SUGP2: variants seen among roughly 807,000 people sequenced by gnomAD.
SUGP2 encodes SURP and G-patch domain containing 2, also known as SURP and G-patch domain-containing protein 2.
Under a neutral mutation model 90.5 loss-of-function variants are expected in SUGP2, and 24 were observed. That is an observed-to-expected ratio of 0.27 (90% confidence interval 0.19 to 0.37). The LOEUF (loss-of-function observed/expected upper bound fraction) is 0.37, where lower values mean the gene tolerates loss of function less well. Ranked by LOEUF, SUGP2 falls within the 10% of genes least tolerant of loss-of-function variation. SUGP2 has a pLI of 1.00. For synonymous variants in SUGP2, 473 were observed against 513.4 expected, an observed-to-expected ratio of 0.92 and a Z score of 1.06; for missense variants, 1,233 against 1,363.3, an observed-to-expected ratio of 0.90 and a Z score of 1.51.
intron 10 of SUGP2, 111 bp downstream of exon 10, chr19:18,994,251 TTGTG>T (rs2057480244): frequency 1.4e-6 from 2 of 1,396,890 alleles, no homozygotes; most frequent in Non-Finnish European, 2.0e-6. Flanking sequence ...GTGATTTTTT[TTGTG>T]TGTGGCATTT....
chr19:19,000,989 G>C (rs2057807479), intron 8 of SUGP2, among the ~76,000 whole-genome samples: 1 of 151,260 alleles, frequency 6.6e-6, no homozygotes, highest in Non-Finnish European at 1.5e-5. Context: ...ACAAGTGTAA[G>C]ACACCCAATC....
At position 19,005,873 on chromosome 19, in the gene SUGP2, AC is replaced by A. The variant is rs2058050095; in HGVS notation, c.2451-1228del. 3.3e-4 allele frequency among the ~76,000 whole-genome samples: 10 copies of A among 30,210 alleles called. No homozygotes were observed. In the Admixed American group the frequency reaches 3.4e-3, roughly 10 times the overall value. The allele number at this position is 30,210 out of a possible 152,430, so 19.8% of individuals were successfully genotyped here. A position where few individuals can be genotyped will look rare whatever the true frequency, so the allele number is the denominator to read the frequency against. On this transcript the variant is annotated intron_variant, in intron 6 of 10. Transcript: ENST00000452918. ...CACACACACACACACACACACACACACACACACACACACACACACCACACAC... is the reference window on the plus strand; with the variant it reads ...CACACACACACACACACACACACACAACACACACACACACACACCACACAC...
At chr19:18,994,275 C>T (rs900191854) in intron 10 of SUGP2, 91 bp downstream of exon 10, 1 of 1,523,170 alleles carries the variant, frequency 6.6e-7, no homozygotes, top group Middle Eastern at 1.7e-4. Context: ...TTTGGGGGAG[C>T]AGGGAACATC....
At chr19:19,005,663 C>T (rs1167940497) in intron 6 of SUGP2, among the ~76,000 whole-genome samples, 3 of 151,990 alleles carry the variant, frequency 2.0e-5, no homozygotes, top group Admixed American at 6.6e-5. Flanking sequence ...AAAAGCTGGA[C>T]GGCTTTATAA....
At chr19:19,029,661 T>A (rs1410252990) in intron 2 of SUGP2, among the ~76,000 whole-genome samples, 1 of 149,396 alleles carries the variant, frequency 6.7e-6, no homozygotes, top group Non-Finnish European at 1.5e-5. Context: ...CACAGGATGG[T>A]CTCGATCTCC....
At chr19:19,030,920 C>A in intron 2 of SUGP2, 31 bp downstream of exon 2, 1 of 1,595,410 alleles carries the variant, frequency 6.3e-7, no homozygotes. Context: ...CCTACCAAAA[C>A]AACAACTACA....
intron 3 of SUGP2, among the ~76,000 whole-genome samples, chr19:19,020,380 C>T (rs1032783218): frequency 1.3e-4 from 19 of 150,198 alleles, no homozygotes; most frequent in Non-Finnish European, 2.2e-4. Flanking sequence ...TGCAGTGAGC[C>T]GAGATTGCGC....
At chr19:18,995,321 G>A (rs748974514) in intron 8 of SUGP2, 41 bp from the exon 9 acceptor site, 3 of 1,554,086 alleles carry the variant, frequency 1.9e-6, no homozygotes, top group Admixed American at 3.8e-5. Flanking sequence ...GCCACAGGGA[G>A]ATGCCTGGAT....
At chr19:19,017,927 CTTT>C (rs1264966084) in intron 4 of SUGP2, among the ~76,000 whole-genome samples, 3 of 140,076 alleles carry the variant, frequency 2.1e-5, no homozygotes, top group African/African-American at 2.7e-5. Flanking sequence ...CTGATCATCA[CTTT>C]TTTTTTTTTT....
intron 3 of SUGP2, 96 bp downstream of exon 3, chr19:19,024,523 T>A (rs142149717): frequency 7.1e-7 from 1 of 1,400,574 alleles, no homozygotes; most frequent in African/African-American, 1.4e-5. Flanking sequence ...TGTTTCCAAT[T>A]GGCTAAAGAA....
chr19:19,017,982 G>A (rs910123720), intron 4 of SUGP2, among the ~76,000 whole-genome samples: 5 of 148,062 alleles, frequency 3.4e-5, no homozygotes, highest in Admixed American at 2.0e-4. Flanking sequence ...AGTGGCTTAC[G>A]CCTGTAATCC....
intron 1 of SUGP2, among the ~76,000 whole-genome samples, chr19:19,032,074 A>G (rs898956308): frequency 6.6e-6 from 1 of 152,120 alleles, no homozygotes; most frequent in Non-Finnish European, 1.5e-5. Context: ...GGTGTCAACC[A>G]ACACACATAA....
chr19:19,006,432 T>TCC (rs749528277), intron 6 of SUGP2, among the ~76,000 whole-genome samples: 2 of 152,142 alleles, frequency 1.3e-5, no homozygotes, highest in Non-Finnish European at 2.9e-5. Flanking sequence ...GGGCTCTCCT[T>TCC]CCAGGGAAGG....
intron 2 of SUGP2, 60 bp downstream of exon 2, chr19:19,030,891 C>G: frequency 1.3e-6 from 2 of 1,544,594 alleles, no homozygotes; most frequent in Non-Finnish European, 1.7e-6. Flanking sequence ...ATCTTCCTGC[C>G]TTGGCCCTAA....
At position 19,004,326 on chromosome 19, in the gene SUGP2, AG is replaced by A; in HGVS notation, c.2770del (p.Leu924PhefsTer35). On this transcript the variant is annotated frameshift_variant, in exon 7 of 11. Coordinates refer to ENST00000452918, the MANE Select transcript of SUGP2 (RefSeq NM_001017392.5). LOFTEE classifies it high-confidence loss of function. ...KSEGSTPADGLPGEAAEDDLA... is the reference protein window; with the variant it reads ...KSEGSTPADGXPGEAAEDDLA... The stretch of plus-strand genomic sequence containing the variant: ...GTCGTCCTCGGCAGCCTCGCCGGGA[AG>A]GCCGTCGGCAGGGGTGCTGCCCTCA... 6.2e-7 allele frequency: 1 copy of A among 1,613,472 alleles called. No individual in the cohort carries two copies. The highest frequency in any genetic ancestry group is 1.1e-5 in the South Asian group (1 of 91,012).
chr19:19,009,500 T>C (rs8106189), intron 5 of SUGP2, among the ~76,000 whole-genome samples: 3,494 of 151,882 alleles, frequency 0.023, 130 homozygotes, highest in African/African-American at 0.08. Flanking sequence ...AACAAGGCAG[T>C]CCCGAAGACT....
At chr19:19,012,088 C>T (rs1481167139) in intron 4 of SUGP2, among the ~76,000 whole-genome samples, 1 of 152,174 alleles carries the variant, frequency 6.6e-6, no homozygotes, top group Non-Finnish European at 1.5e-5. Context: ...TGGCATGTCC[C>T]TGGCAGGCAG....
At chr19:18,998,976 G>A (rs530137214) in intron 8 of SUGP2, 1 of 152,398 alleles carries the variant, frequency 6.6e-6, no homozygotes, top group African/African-American at 2.4e-5. Context: ...AGCTGTGCAC[G>A]ACCTGGGCCC....
chr19:19,026,509 G>C (rs548587121), intron 2 of SUGP2, among the ~76,000 whole-genome samples: 3 of 152,154 alleles, frequency 2.0e-5, no homozygotes, highest in African/African-American at 7.2e-5. Context: ...CAGCCTGACG[G>C]GCAAGACACA....
Sources: gnomAD v4.1 joint callset for allele counts (sites outside exome capture counted in the v4.1 genomes callset) on GRCh38, gnomAD v4.1.1 for gene constraint, MANE v1.5 for transcripts, NCBI Gene and HGNC (gene_info 2026-07-23, HGNC 2026-07-21) for gene names.